CIDEC: variants seen among roughly 807,000 people sequenced by gnomAD.
CIDEC encodes cell death inducing DFFA like effector c, also known as lipid transferase CIDEC.
A neutral mutation model predicts 21.9 loss-of-function variants in CIDEC; 11 were observed. The observed-to-expected ratio is 0.50, with a 90% CI of 0.32 to 0.83. CIDEC has a LOEUF of 0.83. Ranked by LOEUF, CIDEC falls within the 40% of genes least tolerant of loss-of-function variation. CIDEC has a pLI of 0.04. For missense variants in CIDEC, 302 were observed against 302.3 expected, an observed-to-expected ratio of 1.00 and a Z score of 0.01; for synonymous variants, 127 against 124.9, an observed-to-expected ratio of 1.02 and a Z score of -0.11.
rs770812690 is a variant in CIDEC, at chr3:9,867,081, G to T, written c.*53C>A. On this transcript the variant is annotated 3_prime_UTR_variant, in exon 7 of 7. Coordinates refer to ENST00000336832, the MANE Select transcript of CIDEC (RefSeq NM_001321142.2). ...GGCTTGTGGGCACTACCAGTTAAGC[G>T]TGAGGCCCCCAGTCAGTCCTTCACT... is the stretch of plus-strand genomic sequence containing the variant. 6.3e-7 allele frequency: 1 copy of T among 1,593,972 alleles called. No homozygotes were observed. Among genetic ancestry groups the T allele is most frequent in the South Asian group, 1.1e-5 (1 of 90,642 alleles).
In CIDEC at chr3:9,878,507, T is replaced by C. The variant is rs1250128099; in HGVS notation, c.-21A>G. The C allele has an allele frequency of 1.9e-6, 3 of 1,613,764 alleles. No individual in the cohort carries two copies. In the Admixed American group the frequency reaches 5.0e-5, roughly 27 times the overall value. On this transcript the variant is annotated 5_prime_UTR_variant, in exon 3 of 7. Coordinates refer to ENST00000336832, the MANE Select transcript of CIDEC (RefSeq NM_001321142.2). The stretch of plus-strand genomic sequence containing the variant: ...TCCATCCTTGTCAGCTGGACTGCGT[T>C]GGACCTGGGAAGGAGGCAGAAACAA...
At chr3:9,876,510 A>G (rs2125051284) in intron 4 of CIDEC, among the ~76,000 whole-genome samples, 1 of 151,944 alleles carries the variant, frequency 6.6e-6, no homozygotes, top group Non-Finnish European at 1.5e-5. Flanking sequence ...TAATCCCAAC[A>G]CTTTGGGAGG....
Position 9,878,488 on chromosome 3 carries a change from C to T in CIDEC, c.-2G>A. On this transcript the variant is annotated 5_prime_UTR_variant, in exon 3 of 7. Coordinates refer to ENST00000336832, the MANE Select transcript of CIDEC (RefSeq NM_001321142.2). ...AAGGGACTTCATGGCGTATTCCATC[C>T]TTGTCAGCTGGACTGCGTTGGACCT... 6.2e-7 allele frequency: 1 copy of T among 1,614,032 alleles called. No homozygotes were observed. Among genetic ancestry groups the T allele is most frequent in the Non-Finnish European group, 8.5e-7 (1 of 1,179,904 alleles).
rs369738978 is a variant in CIDEC, at chr3:9,878,932, G to A, written c.-26+10C>T. ...ACACCACCTCACACTTCTGGGGACCGTTCCCTCACCTCTAGTCCAGAGACC... is the reference window on the plus strand; with the variant it reads ...ACACCACCTCACACTTCTGGGGACCATTCCCTCACCTCTAGTCCAGAGACC... On this transcript the variant is annotated intron_variant, in intron 2 of 6. Transcript: ENST00000336832. 8.8e-5 allele frequency: 82 copies of A among 927,720 alleles called. 1 individual carries two copies. The highest frequency in any genetic ancestry group is 8.6e-4 in the South Asian group (61 of 70,610). The allele number at this position is 927,720 out of a possible 1,614,324, so 57.5% of individuals were successfully genotyped here.
intron 4 of CIDEC, among the ~76,000 whole-genome samples, chr3:9,875,072 C>T (rs915442853): frequency 5.3e-5 from 8 of 151,982 alleles, no homozygotes; most frequent in African/African-American, 1.7e-4. Flanking sequence ...AAGATATAAA[C>T]CTGAATTAAA....
At chr3:9,875,780 A>T (rs2082414491) in intron 4 of CIDEC, among the ~76,000 whole-genome samples, 1 of 152,246 alleles carries the variant, frequency 6.6e-6, no homozygotes, top group Admixed American at 6.5e-5. Context: ...TGATTCAGGC[A>T]AAGTTTTGTA....
Position 9,879,242 on chromosome 3 carries a change from C to T in CIDEC, c.-138-188G>A, listed in dbSNP as rs75088081. ...ATCTTGCTCACTACAACCTCCGCCT[C>T]CTGGGTTCAAGCAATTATCCTGCCT... On this transcript the variant is annotated intron_variant, in intron 1 of 6. Coordinates refer to ENST00000336832, the MANE Select transcript of CIDEC (RefSeq NM_001321142.2). Among the ~76,000 whole-genome samples, 556 of 150,354 alleles carry T rather than the reference C, an allele frequency of 3.7e-3. 2 individuals are homozygous for T. Among genetic ancestry groups the T allele is most frequent in the African/African-American group, 0.013 (536 of 40,834 alleles).
At chr3:9,870,672 A>G (rs1014785735) in intron 4 of CIDEC, among the ~76,000 whole-genome samples, 9 of 152,214 alleles carry the variant, frequency 5.9e-5, no homozygotes, top group African/African-American at 2.2e-4. Context: ...TCATAAGCAT[A>G]TCATAAGCAT....
In CIDEC at chr3:9,875,253, C is replaced by T. The variant is rs552674410; in HGVS notation, c.207+1813G>A. Among the ~76,000 whole-genome samples the T allele has an allele frequency of 9.9e-5, 15 of 151,512 alleles. 1 individual carries two copies. In the East Asian group the frequency reaches 1.2e-3, roughly 12 times the overall value. ...TTAGCTGGGCGCGGTGGCGGGCGCC[C>T]GTAGTCCCAGCTACTCAGGAGGCTG... On this transcript the variant is annotated intron_variant, in intron 4 of 6. Transcript: ENST00000336832.
At chr3:9,872,218 G>A (rs1044397073) in intron 4 of CIDEC, among the ~76,000 whole-genome samples, 1 of 150,418 alleles carries the variant, frequency 6.6e-6, no homozygotes, top group African/African-American at 2.5e-5. Context: ...CTCTCACCCA[G>A]GCTGGAGTGC....
chr3:9,879,601 ACTTTTTCTCCTAAACCT>A (rs1156481330), intron 1 of CIDEC, among the ~76,000 whole-genome samples: 13 of 152,118 alleles, frequency 8.5e-5, no homozygotes, highest in African/African-American at 2.9e-4. Flanking sequence ...ATCTGTCACC[ACTTTTTCTCCTAAACCT>A]CTGTGCTCCA....
chr3:9,878,445 C>A lies in CIDEC; in HGVS notation c.42G>T (p.Lys14Asn). ...ATGACTTTCCTCACCTGGAGAGGGA[C>A]TTGGGGTAGAGAAGGCTAAGGGACT... ...AMKSLSLLYP[K>N]SLSRHVSVRT... The change falls in exon 3 of 7, where the codon AAG (lysine) becomes AAT (asparagine). Residue 14 changes from lysine (K) to asparagine (N), a missense_variant. Lys to Asn is a moderately conservative substitution (Grantham distance 94). Transcript: ENST00000336832. 6.2e-7 allele frequency: 1 copy of A among 1,613,294 alleles called. No homozygotes were observed. The highest frequency in any genetic ancestry group is 8.5e-7 in the Non-Finnish European group (1 of 1,179,246).
intron 4 of CIDEC, among the ~76,000 whole-genome samples, chr3:9,871,819 A>G (rs936168603): frequency 3.3e-5 from 5 of 151,752 alleles, no homozygotes; most frequent in African/African-American, 4.8e-5. Context: ...TAGTAGATAC[A>G]AGGTTTCTCT....
intron 4 of CIDEC, among the ~76,000 whole-genome samples, chr3:9,871,332 T>C (rs952783820): frequency 2.8e-4 from 42 of 150,660 alleles, no homozygotes; most frequent in Non-Finnish European, 5.0e-4. Flanking sequence ...GTTTGTGCCA[T>C]GTTGCCCAGC....
At chr3:9,878,263 C>G in intron 3 of CIDEC, 171 bp downstream of exon 3, 3 of 675,680 alleles carry the variant, frequency 4.4e-6, no homozygotes, top group Non-Finnish European at 8.2e-6. Context: ...ATTAATATCA[C>G]CCAGGGACTT....
chr3:9,868,467 C>T (rs777619021), intron 6 of CIDEC, among the ~76,000 whole-genome samples: 1 of 152,304 alleles, frequency 6.6e-6, no homozygotes, highest in South Asian at 2.1e-4. Context: ...TGAACTTCAG[C>T]AAACTGCTCT....
intron 4 of CIDEC, among the ~76,000 whole-genome samples, chr3:9,871,825 T>C (rs998853886): frequency 2.6e-5 from 4 of 151,866 alleles, no homozygotes; most frequent in African/African-American, 9.7e-5. Flanking sequence ...ATACAAGGTT[T>C]CTCTATGTTG....
chr3:9,879,904 A>G (rs910126308), intron 1 of CIDEC, among the ~76,000 whole-genome samples: 1 of 152,140 alleles, frequency 6.6e-6, no homozygotes, highest in Non-Finnish European at 1.5e-5. Context: ...CGGCACAGGT[A>G]GGGCTTCGCA....
chr3:9,875,228 T>C (rs1351814621), intron 4 of CIDEC, among the ~76,000 whole-genome samples: 1 of 151,666 alleles, frequency 6.6e-6, no homozygotes, highest in Non-Finnish European at 1.5e-5. Flanking sequence ...ACAAAAAAAA[T>C]TAGCTGGGCG....
Sources: gnomAD v4.1 joint callset for allele counts (sites outside exome capture counted in the v4.1 genomes callset) on GRCh38, gnomAD v4.1.1 for gene constraint, MANE v1.5 for transcripts, NCBI Gene and HGNC (gene_info 2026-07-23, HGNC 2026-07-21) for gene names.